The following BCO1 variants were observed in gnomAD, a reference collection of about 807,000 sequenced individuals.
BCO1 encodes the protein beta-carotene oxygenase 1, also known as beta,beta-carotene 15,15'-dioxygenase.
A neutral mutation model predicts 56.3 loss-of-function variants in BCO1; 54 were observed. The observed-to-expected ratio is 0.96, with a 90% CI of 0.77 to 1.20. BCO1 has a LOEUF of 1.20. Among genes scored for constraint, BCO1 ranks in the 50% most tolerant of loss-of-function variants. The pLI, the probability that BCO1 is intolerant of heterozygous loss-of-function variation, is 0.00. For missense variants in BCO1, 801 were observed against 690.9 expected (o/e 1.16, Z -1.79); for synonymous variants, 318 against 266.1 (o/e 1.20, Z -1.90).
chr16:81,243,973 G>A (rs916721813), intron 1 of BCO1, among the ~76,000 whole-genome samples: 1 of 152,218 alleles, frequency 6.6e-6, no homozygotes, highest in Non-Finnish European at 1.5e-5. Flanking sequence ...CATGCCTCTC[G>A]TGATCCCAAC....
intron 7 of BCO1, among the ~76,000 whole-genome samples, chr16:81,275,683 C>T (rs148171205): frequency 3.1e-4 from 47 of 152,320 alleles, no homozygotes; most frequent in African/African-American, 1.0e-3. Context: ...TCTAAAAGGG[C>T]GCAGCATCTT....
chr16:81,248,083 C>G (rs1332851072), intron 2 of BCO1, among the ~76,000 whole-genome samples: 1 of 152,072 alleles, frequency 6.6e-6, no homozygotes, highest in African/African-American at 2.4e-5. Flanking sequence ...ACAACACCTG[C>G]TCAATAAGCA....
chr16:81,248,591 A>C (rs7199603), intron 2 of BCO1, among the ~76,000 whole-genome samples: 67,746 of 151,776 alleles, frequency 0.45, 15,549 homozygotes, highest in Middle Eastern at 0.54. Flanking sequence ...TGACTCAGCT[A>C]CAGAATGGGT....
chr16:81,250,635 C>T (rs1905734259), intron 2 of BCO1, among the ~76,000 whole-genome samples: 2 of 131,528 alleles, frequency 1.5e-5, no homozygotes, highest in Admixed American at 1.8e-4. Context: ...GGCTGGAGTA[C>T]AGTGGCACGA....
intron 2 of BCO1, among the ~76,000 whole-genome samples, chr16:81,247,069 T>C (rs541637773): frequency 2.6e-5 from 4 of 152,256 alleles, no homozygotes; most frequent in East Asian, 1.9e-4. Context: ...CTGTTGGCCA[T>C]TGAGCCAGTT....
intron 10 of BCO1, among the ~76,000 whole-genome samples, chr16:81,289,965 G>GT (rs1339682068): frequency 6.6e-6 from 1 of 152,220 alleles, no homozygotes; most frequent in Non-Finnish European, 1.5e-5. Context: ...CCAGGTTCAA[G>GT]TAATTCTCTG....
At chr16:81,286,426 G>C (rs74592612) in intron 9 of BCO1, among the ~76,000 whole-genome samples, 3,227 of 152,264 alleles carry the variant, frequency 0.021, 128 homozygotes, top group African/African-American at 0.074. Flanking sequence ...GGCCTATTGG[G>C]AGATTAAGAG....
intron 1 of BCO1, 101 bp from the exon 2 acceptor site, chr16:81,245,374 G>C: frequency 6.5e-7 from 1 of 1,542,540 alleles, no homozygotes; most frequent in Non-Finnish European, 9.0e-7. Flanking sequence ...GCAAGGAGTG[G>C]TACTGGGACC....
rs150617251 is a variant in BCO1 at position 81,279,257 on chromosome 16, C to T, written c.1102-1600C>T. Among the ~76,000 whole-genome samples, 1,238 of 152,136 alleles carry T rather than the reference C, an allele frequency of 8.1e-3. 25 individuals carry two copies. Among genetic ancestry groups the T allele is most frequent in the African/African-American group, 0.028 (1,159 of 41,500 alleles). ...TCACACTACTGTACTCCAGCCTGGG[C>T]GACAGAGCAAGACCCTGTCCCAAAA... On this transcript the variant is annotated intron_variant, in intron 7 of 10. Coordinates refer to ENST00000258168, the MANE Select transcript of BCO1 (RefSeq NM_017429.3).
At chr16:81,242,192 C>CTTTTT (rs796252592) in intron 1 of BCO1, among the ~76,000 whole-genome samples, 19 of 78,756 alleles carry the variant, frequency 2.4e-4, no homozygotes, top group South Asian at 4.6e-4. Flanking sequence ...ACTTGGCTGT[C>CTTTTT]TTTTTTTTTT....
At position 81,245,430 on chromosome 16, in the gene BCO1, G is replaced by A. The variant is rs527873353; in HGVS notation, c.65-45G>A. On this transcript the variant is annotated intron_variant, in intron 1 of 10. Coordinates refer to ENST00000258168, the MANE Select transcript of BCO1 (RefSeq NM_017429.3). ...CATGACCATTTCTTCCAGCATTTTG[G>A]TTTGCAGGTGGAAACGGGAAACTAA... The A allele has an allele frequency of 2.1e-5, 34 of 1,614,094 alleles. 2 individuals are homozygous for A. In the South Asian group the frequency reaches 3.3e-4, roughly 16 times the overall value.
chr16:81,272,281 T>C (rs1269198688), intron 7 of BCO1, among the ~76,000 whole-genome samples: 1 of 148,048 alleles, frequency 6.8e-6, no homozygotes, highest in African/African-American at 2.5e-5. Context: ...GCCTGGCTAA[T>C]TTTTTTTTTG....
rs373911986 is a variant in BCO1, at chr16:81,270,179, C to A, written c.864C>A (p.Asp288Glu). The A allele has an allele frequency of 6.2e-6, 10 of 1,614,038 alleles. No individual in the cohort carries two copies. Among genetic ancestry groups the A allele is most frequent in the Non-Finnish European group, 8.5e-6 (10 of 1,180,048 alleles). Residue 288 changes from aspartate (D) to glutamate (E), a missense_variant, in exon 7 of 11, where the codon GAC (aspartate) becomes GAA (glutamate). Physicochemically the swap from Asp to Glu is conservative, Grantham distance 45. Transcript: ENST00000258168. The stretch of plus-strand genomic sequence containing the variant: ...TTCAGACTTATATCCACATCATCGA[C>A]CAAAGGACCAGGCAGCCTGTGCAGA... Reference protein sequence around the residue: ...REEKTYIHIIDQRTRQPVQTK... With the variant: ...REEKTYIHIIEQRTRQPVQTK...
intron 2 of BCO1, among the ~76,000 whole-genome samples, chr16:81,246,124 C>T (rs554902419): frequency 2.6e-5 from 4 of 152,038 alleles, no homozygotes; most frequent in Non-Finnish European, 5.9e-5. Context: ...CCACTGCGCC[C>T]GGCCTCCATC....
At chr16:81,281,262 A>G (rs1020130188) in intron 8 of BCO1, among the ~76,000 whole-genome samples, 15 of 152,180 alleles carry the variant, frequency 9.9e-5, no homozygotes, top group African/African-American at 3.4e-4. Context: ...CCTGAGCAAC[A>G]TGGCGAAACC....
At chr16:81,244,894 TG>T (rs1905307980) in intron 1 of BCO1, among the ~76,000 whole-genome samples, 1 of 151,772 alleles carries the variant, frequency 6.6e-6, no homozygotes, top group Admixed American at 6.6e-5. Context: ...TATGTTTTTT[TG>T]GGGGGTTTTT....
chr16:81,279,293 G>A (rs1436997059), intron 7 of BCO1, among the ~76,000 whole-genome samples: 1 of 151,980 alleles, frequency 6.6e-6, no homozygotes, highest in Non-Finnish European at 1.5e-5. Context: ...TAAAATAGAA[G>A]CTATCTTAGA....
intron 2 of BCO1, among the ~76,000 whole-genome samples, chr16:81,247,059 C>A (rs1404987204): frequency 6.6e-6 from 1 of 152,100 alleles, no homozygotes; most frequent in Non-Finnish European, 1.5e-5. Context: ...AAATTCTTTG[C>A]TGTTGGCCAT....
chr16:81,280,129 G>A (rs186634628), intron 7 of BCO1, among the ~76,000 whole-genome samples: 1 of 151,856 alleles, frequency 6.6e-6, no homozygotes, highest in Admixed American at 6.6e-5. Context: ...CAGGCATGGT[G>A]GAATGAACCT....
Sources: allele counts gnomAD v4.1 joint callset (sites outside exome capture counted in the v4.1 genomes callset), GRCh38; gene constraint gnomAD v4.1.1; transcripts MANE v1.5; gene names NCBI Gene and HGNC (gene_info 2026-07-23, HGNC 2026-07-21).